Variants in CDK6 observed in about 807,000 individuals in gnomAD.
The protein encoded by CDK6 is cyclin-dependent kinase 6.
A neutral mutation model predicts 37.1 loss-of-function variants in CDK6; 6 were observed. That is an observed-to-expected ratio of 0.16 (90% CI 0.09 to 0.32). The LOEUF (loss-of-function observed/expected upper bound fraction) is 0.32, where lower values mean the gene tolerates loss of function less well. Among genes scored for constraint, CDK6 ranks in the 10% least tolerant of loss-of-function variants. The pLI is 1.00. For synonymous variants in CDK6, 160 were observed against 161.3 expected (o/e 0.99, Z 0.06); for missense variants, 224 against 418.9 (o/e 0.53, Z 4.06).
chr7:92,795,337 T>C (rs1800382122), intron 2 of CDK6, among the ~76,000 whole-genome samples: 2 of 152,148 alleles, frequency 1.3e-5, no homozygotes, highest in Non-Finnish European at 2.9e-5. Context: ...AGGTCCAGAA[T>C]CTATTAACTT....
At chr7:92,721,008 T>C (rs1032748638) in intron 4 of CDK6, among the ~76,000 whole-genome samples, 2 of 152,166 alleles carry the variant, frequency 1.3e-5, no homozygotes, top group African/African-American at 2.4e-5. Flanking sequence ...TGAGAACAAA[T>C]GTAATAGTTC....
chr7:92,815,028 C>T (rs1372226280), intron 2 of CDK6, among the ~76,000 whole-genome samples: 1 of 151,976 alleles, frequency 6.6e-6, no homozygotes, highest in African/African-American at 2.4e-5. Flanking sequence ...ATGAGGGCAC[C>T]GTGGAGGAAG....
At chr7:92,669,620 A>G (rs932064839) in intron 5 of CDK6, among the ~76,000 whole-genome samples, 1 of 152,198 alleles carries the variant, frequency 6.6e-6, no homozygotes, top group African/African-American at 2.4e-5. Context: ...TGCTCTATTG[A>G]CAGTAAATTA....
chr7:92,757,336 G>C (rs1008128638), intron 3 of CDK6, among the ~76,000 whole-genome samples: 1 of 152,112 alleles, frequency 6.6e-6, no homozygotes, highest in Non-Finnish European at 1.5e-5. Context: ...TCCAGTGTCT[G>C]TTGTTCCCTT....
intron 4 of CDK6, among the ~76,000 whole-genome samples, chr7:92,716,134 A>T (rs565653675): frequency 9.8e-5 from 15 of 152,318 alleles, no homozygotes; most frequent in East Asian, 9.6e-4. Context: ...AATTAAAAAA[A>T]TTTTTTTGGA....
chr7:92,692,278 G>C (rs1797615678), intron 4 of CDK6, among the ~76,000 whole-genome samples: 1 of 151,614 alleles, frequency 6.6e-6, no homozygotes, highest in Admixed American at 6.6e-5. Context: ...AAGAAAGAAA[G>C]AAAGAAAGAA....
intron 5 of CDK6, among the ~76,000 whole-genome samples, chr7:92,634,612 T>G (rs1796127759): frequency 6.6e-6 from 1 of 152,212 alleles, no homozygotes; most frequent in Non-Finnish European, 1.5e-5. Flanking sequence ...TTTTATATCC[T>G]TACAACTATT....
intron 5 of CDK6, among the ~76,000 whole-genome samples, chr7:92,668,095 C>T (rs543544283): frequency 6.6e-6 from 1 of 152,196 alleles, no homozygotes; most frequent in East Asian, 1.9e-4. Flanking sequence ...ATAGGTAAAT[C>T]ATTTTTTATT....
chr7:92,706,109 T>G (rs540807023), intron 4 of CDK6, among the ~76,000 whole-genome samples: 1 of 152,380 alleles, frequency 6.6e-6, no homozygotes, highest in African/African-American at 2.4e-5. Context: ...CATAGTACAA[T>G]GAGTCACTTA....
chr7:92,779,463 G>A (rs779213573), intron 2 of CDK6, among the ~76,000 whole-genome samples: 1 of 152,144 alleles, frequency 6.6e-6, no homozygotes. Context: ...TTAAAAAATG[G>A]TATTAGGTAG....
At chr7:92,738,669 T>C (rs375296804) in intron 3 of CDK6, among the ~76,000 whole-genome samples, 82 of 150,926 alleles carry the variant, frequency 5.4e-4, no homozygotes, top group South Asian at 4.8e-3. Flanking sequence ...GGTATTACAA[T>C]AGGAATTGCC....
At chr7:92,669,855 G>C (rs1797036673) in intron 5 of CDK6, among the ~76,000 whole-genome samples, 1 of 152,176 alleles carries the variant, frequency 6.6e-6, no homozygotes, top group Non-Finnish European at 1.5e-5. Context: ...ATTAGGATCG[G>C]AGGACTTGTT....
At chr7:92,821,981 T>C (rs139841863) in intron 2 of CDK6, among the ~76,000 whole-genome samples, 40 of 152,192 alleles carry the variant, frequency 2.6e-4, no homozygotes, top group Middle Eastern at 3.4e-3. Flanking sequence ...GACATACATA[T>C]TACATGGACA....
At chr7:92,747,624 T>TA (rs1304561861) in intron 3 of CDK6, among the ~76,000 whole-genome samples, 1 of 152,172 alleles carries the variant, frequency 6.6e-6, no homozygotes. Flanking sequence ...TTCAATATTC[T>TA]AAAAAAATTG....
chr7:92,788,255 G>A (rs1800194299), intron 2 of CDK6, among the ~76,000 whole-genome samples: 1 of 152,168 alleles, frequency 6.6e-6, no homozygotes, highest in African/African-American at 2.4e-5. Flanking sequence ...GTTTCATGGT[G>A]TTAACGGTAA....
intron 2 of CDK6, among the ~76,000 whole-genome samples, chr7:92,780,633 C>T (rs1267283125): frequency 6.6e-6 from 1 of 151,626 alleles, no homozygotes; most frequent in Non-Finnish European, 1.5e-5. Context: ...TGGTGGCAGG[C>T]GCCTGTAGTC....
intron 2 of CDK6, among the ~76,000 whole-genome samples, chr7:92,799,285 C>T (rs1314788018): frequency 6.6e-6 from 1 of 152,160 alleles, no homozygotes; most frequent in Non-Finnish European, 1.5e-5. Context: ...CAGTAATTCC[C>T]CACTACTGGA....
At chr7:92,670,117 C>T (rs937083777) in intron 5 of CDK6, among the ~76,000 whole-genome samples, 1 of 152,192 alleles carries the variant, frequency 6.6e-6, no homozygotes, top group South Asian at 2.1e-4. Context: ...TGGACTCATA[C>T]CCCTGCTACT....
At chr7:92,669,238 G>C (rs1200586796) in intron 5 of CDK6, among the ~76,000 whole-genome samples, 1 of 152,210 alleles carries the variant, frequency 6.6e-6, no homozygotes, top group Non-Finnish European at 1.5e-5. Flanking sequence ...ATATGTTCCA[G>C]GTCGTAGAGG....
Sources: allele counts gnomAD v4.1 joint callset (sites outside exome capture counted in the v4.1 genomes callset), GRCh38; gene constraint gnomAD v4.1.1; transcripts MANE v1.5; gene names NCBI Gene and HGNC (gene_info 2026-07-23, HGNC 2026-07-21).